Variants in TSPEAR observed in about 807,000 individuals in gnomAD.
TSPEAR encodes the protein thrombospondin-type laminin G domain and EAR repeat-containing protein.
Under a neutral mutation model 71.6 loss-of-function variants are expected in TSPEAR, and 69 were observed. The ratio of observed to expected loss-of-function variants is 0.96; its 90% CI spans 0.79 to 1.18. The LOEUF (loss-of-function observed/expected upper bound fraction) is 1.18. TSPEAR is among the 50% of genes most tolerant of loss of function. The pLI is 0.00. For synonymous variants in TSPEAR, 402 were observed against 387.2 expected, an observed-to-expected ratio of 1.04 and a Z score of -0.45; for missense variants, 971 against 894.9, an observed-to-expected ratio of 1.09 and a Z score of -1.09.
intron 1 of TSPEAR, among the ~76,000 whole-genome samples, chr21:44,578,987 C>T (rs1336313164): frequency 1.3e-5 from 2 of 152,238 alleles, no homozygotes; most frequent in Non-Finnish European, 2.9e-5. Flanking sequence ...ATGATGCTTT[C>T]GTCCTGATCG....
chr21:44,674,731 AGTGTGT>A (rs59452363), intron 1 of TSPEAR, among the ~76,000 whole-genome samples: 18,324 of 126,782 alleles, frequency 0.14, 1,658 homozygotes, highest in African/African-American at 0.25. Context: ...CTGTCTTTAA[AGTGTGT>A]GTGTGTGTGT....
intron 1 of TSPEAR, chr21:44,647,193 C>T: frequency 1.1e-5 from 18 of 1,613,996 alleles, no homozygotes; most frequent in Non-Finnish European, 1.5e-5. Context: ...ACCCCGTGTG[C>T]AGGTCCACCT....
rs1460405074 is a variant in TSPEAR at position 44,634,080 on chromosome 21, TA to T, written c.83-66076del. 2.6e-5 allele frequency among the ~76,000 whole-genome samples: 4 copies of T among 152,082 alleles called. No individual in the cohort carries two copies. The East Asian group carries it at 7.7e-4, about 29-fold the overall frequency. On this transcript the variant is annotated intron_variant, in intron 1 of 11. Transcript: ENST00000323084. ...GGTAACAGAGTAAGACCCTGGTCCC[TA>T]AAAAAATATGTTTTTTCATTAGCCA...
intron 1 of TSPEAR, among the ~76,000 whole-genome samples, chr21:44,657,753 G>A (rs587763684): frequency 6.6e-6 from 1 of 152,320 alleles, no homozygotes; most frequent in African/African-American, 2.4e-5. Flanking sequence ...CCTGTTTACA[G>A]AAGAAACTAA....
At chr21:44,607,352 A>C (rs1402359778) in intron 1 of TSPEAR, among the ~76,000 whole-genome samples, 2 of 152,356 alleles carry the variant, frequency 1.3e-5, no homozygotes, top group South Asian at 2.1e-4. Context: ...TGCTGGGATT[A>C]CAGGGCTTGA....
At position 44,529,944 on chromosome 21, in the gene TSPEAR, C is replaced by T. The variant is rs868937284; in HGVS notation, c.644G>A (p.Arg215Lys). 39 of 1,600,346 alleles carry T rather than the reference C, an allele frequency of 2.4e-5. No homozygotes were observed. The highest frequency in any genetic ancestry group is 3.3e-5 in the Non-Finnish European group (39 of 1,176,368). ...RAKGLFMGLV[R>K]QLVLLPGSDA... ...TGAGCCCGGCAGCAGGACCAGTTGC[C>T]TCACCAGTCCCTGCAGAGAGAGGGA... The change falls in exon 5 of 12, where the codon AGG becomes AAG. Residue 215 changes from arginine to lysine, a missense_variant. Coordinates refer to ENST00000323084, the MANE Select transcript of TSPEAR (RefSeq NM_144991.3).
At chr21:44,676,813 C>T (rs1986333796) in intron 1 of TSPEAR, 11 of 941,978 alleles carry the variant, frequency 1.2e-5, no homozygotes, top group Middle Eastern at 2.1e-4. Flanking sequence ...GTCAAATGCC[C>T]ACTTTTCTTC....
intron 1 of TSPEAR, among the ~76,000 whole-genome samples, chr21:44,692,365 C>T (rs1228395861): frequency 2.0e-5 from 3 of 151,778 alleles, no homozygotes; most frequent in Non-Finnish European, 2.9e-5. Flanking sequence ...AGCTATTAAA[C>T]AAGAAAAATA....
intron 1 of TSPEAR, among the ~76,000 whole-genome samples, chr21:44,688,582 T>TA (rs1555949255): frequency 1.3e-5 from 2 of 151,988 alleles, no homozygotes; most frequent in Non-Finnish European, 2.9e-5. Context: ...CAGCCGGGTA[T>TA]GGTGGCGGGC....
At chr21:44,697,315 G>T in intron 1 of TSPEAR, 1 of 1,612,750 alleles carries the variant, frequency 6.2e-7, no homozygotes, top group Non-Finnish European at 8.5e-7. Flanking sequence ...GCTGCTGTGA[G>T]CCCCCCTGCT....
At chr21:44,543,841 G>A (rs879952280) in intron 2 of TSPEAR, among the ~76,000 whole-genome samples, 32 of 152,210 alleles carry the variant, frequency 2.1e-4, no homozygotes, top group Non-Finnish European at 3.1e-4. Context: ...AACTATGACA[G>A]AATAATTTTC....
intron 10 of TSPEAR, chr21:44,508,647 G>A (rs995876176): frequency 5.0e-5 from 60 of 1,189,270 alleles, no homozygotes; most frequent in South Asian, 3.5e-4. Flanking sequence ...TCCACGGAGC[G>A]TGTCGGTCTG....
chr21:44,697,597 C>T, intron 1 of TSPEAR: 1 of 1,614,098 alleles, frequency 6.2e-7, no homozygotes, highest in Non-Finnish European at 8.5e-7. Context: ...CTTCATGCTG[C>T]CAGCAGTCTA....
At chr21:44,611,989 G>T in intron 1 of TSPEAR, 1 of 1,123,658 alleles carries the variant, frequency 8.9e-7, no homozygotes, top group Non-Finnish European at 1.3e-6. Flanking sequence ...GGGAAGGCTT[G>T]TGAGACTCCT....
intron 8 of TSPEAR, among the ~76,000 whole-genome samples, chr21:44,523,898 ATCAG>A (rs1296605808): frequency 2.7e-5 from 4 of 150,812 alleles, no homozygotes; most frequent in African/African-American, 9.8e-5. Context: ...CAGGTTATTA[ATCAG>A]TCAGGTAGTT....
chr21:44,617,797 G>T (rs1482264638), intron 1 of TSPEAR, among the ~76,000 whole-genome samples: 1 of 152,252 alleles, frequency 6.6e-6, no homozygotes, highest in Non-Finnish European at 1.5e-5. Context: ...GGATGGCACT[G>T]AATGTCTCTC....
chr21:44,540,989 T>TG (rs1373270037), intron 2 of TSPEAR, among the ~76,000 whole-genome samples: 1 of 152,044 alleles, frequency 6.6e-6, no homozygotes, highest in Non-Finnish European at 1.5e-5. Flanking sequence ...TTTTTTTTTT[T>TG]TTTTGTACAG....
intron 1 of TSPEAR, chr21:44,697,579 G>T (rs1987427536): frequency 6.2e-7 from 1 of 1,612,884 alleles, no homozygotes. Flanking sequence ...TCTGCTGTGG[G>T]CCTTCTTCTT....
intron 6 of TSPEAR, 135 bp downstream of exon 6, chr21:44,528,317 A>G: frequency 7.9e-7 from 1 of 1,268,746 alleles, no homozygotes; most frequent in Non-Finnish European, 1.1e-6. Context: ...CACTCTTAGA[A>G]GTGCCCCAGC....
Sources: allele counts gnomAD v4.1 joint callset (sites outside exome capture counted in the v4.1 genomes callset), GRCh38; gene constraint gnomAD v4.1.1; transcripts MANE v1.5; gene names NCBI Gene and HGNC (gene_info 2026-07-23, HGNC 2026-07-21).